ZFHX3: variants seen among roughly 807,000 people sequenced by gnomAD.
ZFHX3 encodes the protein zinc finger homeobox protein 3.
ZFHX3 carries 42 observed loss-of-function variants against 279.1 expected under a neutral mutation model. The ratio of observed to expected loss-of-function variants is 0.15; its 90% CI spans 0.12 to 0.19. ZFHX3 has a LOEUF of 0.19. Among genes scored for constraint, ZFHX3 ranks in the 10% least tolerant of loss-of-function variants. The pLI is 1.00. For synonymous variants in ZFHX3, 2,293 were observed against 1,957.8 expected (o/e 1.17, Z -4.52); for missense variants, 4,981 against 4,754.0 (o/e 1.05, Z -1.40).
At position 73,294,558 on chromosome 16, in the gene ZFHX3, C is replaced by A. The variant is rs139201733; in HGVS notation, c.-1194+23682G>T. On this transcript the variant is annotated intron_variant, in intron 4 of 17. Transcript: ENST00000641206. ...GGGCGAGGTGGCTCACGCCTGTAATCCCATTACTTCGGGAGGCCGAGATGG... is the reference window on the plus strand; with the variant it reads ...GGGCGAGGTGGCTCACGCCTGTAATACCATTACTTCGGGAGGCCGAGATGG... Among the ~76,000 whole-genome samples, 1,481 of 152,280 alleles carry A rather than the reference C, an allele frequency of 9.7e-3. 14 individuals carry two copies. The highest frequency in any genetic ancestry group is 0.034 in the African/African-American group (1,416 of 41,554).
chr16:73,303,778 G>A (rs1173898727), intron 4 of ZFHX3, among the ~76,000 whole-genome samples: 2 of 151,726 alleles, frequency 1.3e-5, no homozygotes, highest in African/African-American at 2.4e-5. Context: ...GTGGAAAGTC[G>A]ACAGCAATTA....
At chr16:72,819,547 G>A (rs1470915361) in intron 5 of ZFHX3, among the ~76,000 whole-genome samples, 1 of 152,210 alleles carries the variant, frequency 6.6e-6, no homozygotes, top group Non-Finnish European at 1.5e-5. Flanking sequence ...AAGTAATGCT[G>A]ATGGTCCAGG....
At chr16:73,608,627 T>G (rs1597025553) in intron 2 of ZFHX3, 1 of 152,178 alleles carries the variant, frequency 6.6e-6, no homozygotes. Context: ...TCAGGAGAAA[T>G]GCGTTCTCGT....
chr16:73,303,577 T>A (rs1476834420), intron 4 of ZFHX3, among the ~76,000 whole-genome samples: 1 of 152,138 alleles, frequency 6.6e-6, no homozygotes, highest in Non-Finnish European at 1.5e-5. Context: ...AAAAGTCACT[T>A]TATAACTGGA....
intron 2 of ZFHX3, among the ~76,000 whole-genome samples, chr16:73,652,521 CAAG>C (rs777237867): frequency 3.3e-5 from 5 of 152,216 alleles, no homozygotes; most frequent in South Asian, 2.1e-4. Context: ...TTCTCAGATA[CAAG>C]AAGAAGATAA....
chr16:73,490,510 G>A (rs2019041709), intron 2 of ZFHX3, among the ~76,000 whole-genome samples: 2 of 152,150 alleles, frequency 1.3e-5, no homozygotes, highest in South Asian at 4.1e-4. Flanking sequence ...ACCTTTCACT[G>A]ACGCAACCCC....
chr16:73,722,415 A>T (rs1291866746), intron 1 of ZFHX3, among the ~76,000 whole-genome samples: 1 of 152,186 alleles, frequency 6.6e-6, no homozygotes, highest in South Asian at 2.1e-4. Flanking sequence ...ATTAACCTTG[A>T]CTTTATGAAC....
At chr16:73,120,304 C>A (rs4788492) in intron 7 of ZFHX3, among the ~76,000 whole-genome samples, 85,172 of 151,904 alleles carry the variant, frequency 0.56, 25,674 homozygotes, top group Middle Eastern at 0.77. Flanking sequence ...TCTGTCACCC[C>A]GGCTGGAGTG....
At chr16:73,821,265 C>A (rs948462677) in intron 1 of ZFHX3, among the ~76,000 whole-genome samples, 22 of 152,216 alleles carry the variant, frequency 1.4e-4, no homozygotes, top group African/African-American at 4.6e-4. Context: ...AGCTGTTGTT[C>A]TTCCCCATGG....
intron 2 of ZFHX3, among the ~76,000 whole-genome samples, chr16:73,608,253 T>A (rs1306716900): frequency 2.0e-5 from 3 of 152,194 alleles, no homozygotes; most frequent in African/African-American, 7.2e-5. Flanking sequence ...CATTTCCCCA[T>A]GTGCTTTCTT....
At chr16:73,764,384 T>C (rs539238878) in intron 1 of ZFHX3, among the ~76,000 whole-genome samples, 1 of 152,306 alleles carries the variant, frequency 6.6e-6, no homozygotes, top group South Asian at 2.1e-4. Flanking sequence ...CTTGGAGAGA[T>C]GCAGTGTGGA....
chr16:73,473,910 G>A (rs2018718684), intron 2 of ZFHX3, among the ~76,000 whole-genome samples: 1 of 152,128 alleles, frequency 6.6e-6, no homozygotes, highest in African/African-American at 2.4e-5. Flanking sequence ...GGCCAGGCCT[G>A]CTCCCTTCTG....
At chr16:72,978,965 C>A (rs935897120) in intron 1 of ZFHX3, among the ~76,000 whole-genome samples, 2 of 152,184 alleles carry the variant, frequency 1.3e-5, no homozygotes, top group East Asian at 3.9e-4. Flanking sequence ...CCCTCTCTCT[C>A]CTGGATAGAT....
At chr16:73,552,886 A>C (rs2020222496) in intron 2 of ZFHX3, among the ~76,000 whole-genome samples, 1 of 152,230 alleles carries the variant, frequency 6.6e-6, no homozygotes, top group Non-Finnish European at 1.5e-5. Context: ...AACACCTCTG[A>C]AGGCAGCTAA....
rs752545484 is a variant in ZFHX3 at position 72,794,201 on chromosome 16, T to A, written c.8481A>T (p.Gln2827His). 6.2e-7 allele frequency: 1 copy of A among 1,614,212 alleles called. No homozygotes were observed. Among genetic ancestry groups the A allele is most frequent in the Non-Finnish European group, 8.5e-7 (1 of 1,180,036 alleles). Residue 2827 changes from glutamine to histidine, a missense_variant, in exon 9 of 10, where the codon CAA (glutamine) becomes CAT (histidine). By Grantham distance (24) the Gln-to-His change is conservative. Transcript: ENST00000268489. The surrounding 1 kb of genome is among the most constrained non-coding windows in gnomAD (Gnocchi z 4.2). Reference protein sequence around the residue: ...SMSSVNLNFDQTKLDNDDCSS... With the variant: ...SMSSVNLNFDHTKLDNDDCSS... Reference sequence around the variant, plus strand: ...AACAGTCATCGTTGTCCAGCTTAGTTTGGTCAAAGTTTAGATTAACTGAGG... The same window carrying A: ...AACAGTCATCGTTGTCCAGCTTAGTATGGTCAAAGTTTAGATTAACTGAGG...
intron 3 of ZFHX3, among the ~76,000 whole-genome samples, chr16:73,331,955 C>T (rs2015813032): frequency 6.6e-6 from 1 of 152,144 alleles, no homozygotes; most frequent in Admixed American, 6.5e-5. Flanking sequence ...TCCTATACCA[C>T]ACACCCAAAG....
At chr16:73,370,358 C>T (rs140186428) in intron 3 of ZFHX3, among the ~76,000 whole-genome samples, 17 of 152,258 alleles carry the variant, frequency 1.1e-4, no homozygotes, top group South Asian at 2.1e-4. Context: ...TAGCAGACTG[C>T]GTTCTCCCTG....
chr16:73,411,153 C>A (rs13333971), intron 3 of ZFHX3, among the ~76,000 whole-genome samples: 5,946 of 152,268 alleles, frequency 0.039, 319 homozygotes, highest in South Asian at 0.13. Flanking sequence ...TCCGAAGAGA[C>A]TGGGAACAAC....
exon 1 of ZFHX3, chr16:73,058,823 CG>C (rs946334046): frequency 9.6e-4 from 151 of 157,238 alleles, no homozygotes; most frequent in African/African-American, 3.4e-3. Flanking sequence ...GCATGGTTGG[CG>C]GGGAGTTTAC....
Sources: allele counts gnomAD v4.1 joint callset (sites outside exome capture counted in the v4.1 genomes callset), GRCh38; gene constraint gnomAD v4.1.1; non-coding constraint Gnocchi (gnomAD v3.1); transcripts MANE v1.5; gene names NCBI Gene and HGNC (gene_info 2026-07-23, HGNC 2026-07-21).